Variants in NBPF12 observed in about 807,000 individuals in gnomAD.
The protein encoded by NBPF12 is NBPF family member NBPF12.
A neutral mutation model predicts 146.4 loss-of-function variants in NBPF12; 115 were observed. The observed-to-expected ratio is 0.79, with a 90% CI of 0.68 to 0.92. The LOEUF (loss-of-function observed/expected upper bound fraction) is 0.92. Among genes scored for constraint, NBPF12 ranks in the 40% least tolerant of loss-of-function variants. The pLI is 0.00. For synonymous variants in NBPF12, 385 were observed against 508.9 expected (o/e 0.76, Z 3.28); for missense variants, 1,205 against 1,326.8 (o/e 0.91, Z 1.43).
rs2101869885 is a variant in NBPF12, at chr1:146,969,362, T to C, written c.1092-20T>C. On this transcript the variant is annotated intron_variant, in intron 10 of 33. Transcript: ENST00000617844. The stretch of plus-strand genomic sequence containing the variant: ...CTCAACCCTTTCCACTCTTAAATTT[T>C]CTCTACCGTCTCACCTTAGGCAATA... The C allele has an allele frequency of 1.2e-6, 1 of 810,902 alleles. No individual in the cohort carries two copies. Among genetic ancestry groups the C allele is most frequent in the South Asian group, 1.4e-5 (1 of 69,278 alleles). 50.2% of individuals were successfully genotyped at this position (810,902 alleles called of 1,614,324 possible).
At chr1:146,947,951 G>T (rs1655145382), upstream of NBPF12, among the ~76,000 whole-genome samples, 1 of 151,968 alleles carries the variant, frequency 6.6e-6, no homozygotes, top group African/African-American at 2.4e-5. Context: ...TATTAAAATT[G>T]AGATGATACA....
rs1284006644 is a variant in NBPF12, at chr1:146,962,362, A to G, written c.278+99A>G. 22 of 986,514 alleles carry G rather than the reference A, an allele frequency of 2.2e-5. No individual in the cohort carries two copies. The Middle Eastern group carries it at 1.8e-3, about 83-fold the overall frequency. 61.1% of individuals were successfully genotyped at this position (986,514 alleles called of 1,614,324 possible). Reference sequence around the variant, plus strand: ...AAGTAAGAACGAAGCTGGGCCAGGGAAAGGGCAGAAATTGCCATGGCAGGC... The same window carrying G: ...AAGTAAGAACGAAGCTGGGCCAGGGGAAGGGCAGAAATTGCCATGGCAGGC... On this transcript the variant is annotated intron_variant, in intron 5 of 33. Coordinates refer to ENST00000617844, the Ensembl canonical transcript of NBPF12.
chr1:146,980,917 T>C (rs1657329725), intron 19 of NBPF12, among the ~76,000 whole-genome samples: 1 of 134,544 alleles, frequency 7.4e-6, no homozygotes, highest in East Asian at 2.1e-4. Context: ...TAAGAAAATG[T>C]GGCACATATA....
chr1:146,965,476 C>G (rs1182621058), intron 8 of NBPF12, among the ~76,000 whole-genome samples: 1 of 151,012 alleles, frequency 6.6e-6, no homozygotes, highest in African/African-American at 2.5e-5. Context: ...TTTTCATTGG[C>G]TTGTCTTAGC....
intron 2 of NBPF12, among the ~76,000 whole-genome samples, chr1:146,954,604 C>A (rs1553884185): frequency 7.9e-6 from 1 of 126,648 alleles, no homozygotes; most frequent in African/African-American, 3.0e-5. Flanking sequence ...AAATTCCAAG[C>A]GGCATTTTGG....
intron 6 of NBPF12, among the ~76,000 whole-genome samples, chr1:146,963,870 C>G (rs1332159590): frequency 0.035 from 4,969 of 143,798 alleles, 298 homozygotes; most frequent in African/African-American, 0.12. Flanking sequence ...AAGTGCTTCA[C>G]ACTGGAGCAC....
exon 9 of NBPF12, chr1:146,966,579 G>C (rs1656224516): frequency 6.9e-7 from 1 of 1,442,408 alleles, no homozygotes; most frequent in Non-Finnish European, 9.7e-7. Context: ...TGCGCCCCCA[G>C]CTGGCAGAGA....
intron 19 of NBPF12, among the ~76,000 whole-genome samples, chr1:146,981,294 AATAT>A (rs1156779222): frequency 1.1e-5 from 1 of 90,224 alleles, no homozygotes; most frequent in African/African-American, 4.8e-5. Flanking sequence ...AAAAAAAAAA[AATAT>A]ATATATATAT....
rs1553884485 is a variant in NBPF12 at position 146,957,836 on chromosome 1, A to AAAC, written c.-183-2022_-183-2021insACA. ...TCCGCCACTTAAAAAAGAAAAAAAAAATATAATATATATATATATACACGT... is the reference window on the plus strand; with the variant it reads ...TCCGCCACTTAAAAAAGAAAAAAAAAAACATATAATATATATATATATACACGT... On this transcript the variant is annotated intron_variant, in intron 2 of 33. Coordinates refer to ENST00000617844, the Ensembl canonical transcript of NBPF12. 6.2e-3 allele frequency among the ~76,000 whole-genome samples: 736 copies of AAAC among 118,908 alleles called. 92 individuals carry two copies. The highest frequency in any genetic ancestry group is 0.054 in the East Asian group (185 of 3,422). 78.0% of individuals were successfully genotyped at this position (118,908 alleles called of 152,430 possible).
chr1:146,972,874 A>G (rs1656745079), exon 14 of NBPF12: 1 of 1,159,182 alleles, frequency 8.6e-7, no homozygotes, highest in Admixed American at 1.7e-5. Context: ...CAGCTGGCAG[A>G]GAAGAAACAG....
chr1:146,965,419 G>A (rs1656122578), intron 8 of NBPF12, among the ~76,000 whole-genome samples: 2 of 150,708 alleles, frequency 1.3e-5, no homozygotes, highest in South Asian at 2.1e-4. Flanking sequence ...AGGATGGGCT[G>A]AGATGATCCT....
chr1:146,968,624 A>G (rs1400626618), intron 10 of NBPF12, 74 bp downstream of exon 13: 6 of 1,410,530 alleles, frequency 4.3e-6, no homozygotes, highest in Non-Finnish European at 4.0e-6. Context: ...CGGTGGGGAG[A>G]CTTAAGAGCT....
chr1:146,980,578 T>A lies in NBPF12; in HGVS notation c.2450+1568T>A, dbSNP rs1316597015. ...TATTTCTCCTTCACTTATGAAGCTT[T>A]GTTTGGCTGGATATGAAATTCTTGG... On this transcript the variant is annotated intron_variant, in intron 19 of 33. Transcript: ENST00000617844. 5.6e-3 allele frequency among the ~76,000 whole-genome samples: 845 copies of A among 151,910 alleles called. 15 individuals are homozygous for A. Among genetic ancestry groups the A allele is most frequent in the African/African-American group, 0.019 (802 of 41,330 alleles).
chr1:146,962,575 T>G (rs1430988317), intron 5 of NBPF12, among the ~76,000 whole-genome samples: 1 of 151,254 alleles, frequency 6.6e-6, no homozygotes, highest in South Asian at 2.1e-4. Flanking sequence ...GGTGTGCTAT[T>G]GCCACCCCAC....
intron 18 of NBPF12, among the ~76,000 whole-genome samples, chr1:146,978,685 T>A (rs1411094126): frequency 6.7e-6 from 1 of 149,494 alleles, no homozygotes; most frequent in East Asian, 2.0e-4. Context: ...TTTTGGAGAT[T>A]TTTTTGGGGA....
At chr1:146,967,405 G>A (rs1461863673) in intron 9 of NBPF12, among the ~76,000 whole-genome samples, 2 of 150,912 alleles carry the variant, frequency 1.3e-5, no homozygotes, top group South Asian at 2.1e-4. Flanking sequence ...GGAGGCTGAG[G>A]CAGTAGAATC....
chr1:146,951,678 G>A (rs1655329387), intron 2 of NBPF12, 189 bp downstream of exon 5: 2 of 499,508 alleles, frequency 4.0e-6, no homozygotes, highest in Non-Finnish European at 7.1e-6. Context: ...AATTTTATGG[G>A]CATTCTTTAT....
rs1656561380 is a variant in NBPF12 at position 146,970,861 on chromosome 1, C to T, written c.1379+142C>T. The T allele has an allele frequency of 1.6e-5, 16 of 983,682 alleles. No homozygotes were observed. In the Admixed American group the frequency reaches 2.4e-4, roughly 15 times the overall value. 60.9% of individuals were successfully genotyped at this position (983,682 alleles called of 1,614,324 possible). Reference sequence around the variant, plus strand: ...TGTGAAATTCAACCCAGCTTAGACACAGGGTGTGGCAGCTGTCGTGTTTCT... The same window carrying T: ...TGTGAAATTCAACCCAGCTTAGACATAGGGTGTGGCAGCTGTCGTGTTTCT... On this transcript the variant is annotated intron_variant, in intron 12 of 33. Coordinates refer to ENST00000617844, the Ensembl canonical transcript of NBPF12.
Position 146,942,939 on chromosome 1 carries a change from T to TA in NBPF12, c.-821-352_-821-351insA, listed in dbSNP as rs1654872226. ...AATATTTAGTCAGGACTCTATTTTT[T>TA]CCCCCCAGGCTGGAGTGCAGTGGTG... On this transcript the variant is annotated intron_variant, in intron 1 of 35. Coordinates refer to the NBPF12 transcript ENST00000617931. Among the ~76,000 whole-genome samples the TA allele has an allele frequency of 2.1e-5, 3 of 140,416 alleles. No homozygotes were observed. In the Admixed American group the frequency reaches 2.3e-4, roughly 11 times the overall value. The allele number at this position is 140,416 out of a possible 152,430, so 92.1% of individuals were successfully genotyped here. A position where few individuals can be genotyped will look rare whatever the true frequency, so the allele number is the denominator to read the frequency against.
Sources: gnomAD v4.1 joint callset for allele counts (sites outside exome capture counted in the v4.1 genomes callset) on GRCh38, gnomAD v4.1.1 for gene constraint, MANE v1.5 for transcripts, NCBI Gene and HGNC (gene_info 2026-07-23, HGNC 2026-07-21) for gene names.